Variants in LRRTM4 observed in about 807,000 individuals in gnomAD.
LRRTM4 encodes leucine-rich repeat transmembrane neuronal protein 4.
In LRRTM4, 25 loss-of-function variants were observed where a neutral mutation model predicts 47.6. That is an observed-to-expected ratio of 0.53 (90% CI 0.38 to 0.73). LRRTM4 has a LOEUF of 0.73. Ranked by LOEUF, LRRTM4 falls within the 30% of genes least tolerant of loss-of-function variation. The pLI, the probability that LRRTM4 is intolerant of heterozygous loss-of-function variation, is 0.00. For synonymous variants in LRRTM4, 311 were observed against 269.5 expected (o/e 1.15, Z -1.51); for missense variants, 638 against 713.4 (o/e 0.89, Z 1.20).
chr2:77,499,965 G>T (rs1678509938), intron 3 of LRRTM4, among the ~76,000 whole-genome samples: 2 of 151,522 alleles, frequency 1.3e-5, no homozygotes, highest in South Asian at 4.2e-4. Context: ...ATAAGATCTA[G>T]TGGAGCCCAA....
chr2:77,394,118 A>C (rs145944310), intron 3 of LRRTM4, among the ~76,000 whole-genome samples: 4 of 152,038 alleles, frequency 2.6e-5, no homozygotes, highest in Non-Finnish European at 5.9e-5. Context: ...TATTTATGCA[A>C]CTCAAAATTT....
intron 3 of LRRTM4, among the ~76,000 whole-genome samples, chr2:76,977,139 G>A (rs1422036234): frequency 1.3e-5 from 2 of 151,162 alleles, no homozygotes; most frequent in African/African-American, 4.8e-5. Flanking sequence ...TCTTACTTCT[G>A]CTTGAATATT....
intron 3 of LRRTM4, among the ~76,000 whole-genome samples, chr2:76,929,259 T>A (rs1674689671): frequency 6.6e-6 from 1 of 152,084 alleles, no homozygotes; most frequent in Admixed American, 6.6e-5. Flanking sequence ...CTTTGTGGGG[T>A]GACATTAAAC....
intron 3 of LRRTM4, among the ~76,000 whole-genome samples, chr2:77,047,083 A>G (rs1218166753): frequency 6.6e-6 from 1 of 152,026 alleles, no homozygotes; most frequent in Non-Finnish European, 1.5e-5. Context: ...TTTGGGAGTA[A>G]TCTTTACCAG....
chr2:76,991,358 T>A (rs1030645022), intron 3 of LRRTM4, among the ~76,000 whole-genome samples: 3 of 151,568 alleles, frequency 2.0e-5, no homozygotes, highest in African/African-American at 4.8e-5. Flanking sequence ...AACCAAAATT[T>A]ATTGTTTGAA....
chr2:77,163,801 T>G (rs1478288861), intron 3 of LRRTM4, among the ~76,000 whole-genome samples: 1 of 152,134 alleles, frequency 6.6e-6, no homozygotes, highest in Non-Finnish European at 1.5e-5. Context: ...CAAGAGCTCC[T>G]GAAGAAAGCA....
At chr2:77,106,475 T>C (rs1167087270) in intron 3 of LRRTM4, among the ~76,000 whole-genome samples, 1 of 152,136 alleles carries the variant, frequency 6.6e-6, no homozygotes. Context: ...ACTTACTTTT[T>C]ATCCTGTTGG....
chr2:76,803,945 G>C (rs1464918765), intron 3 of LRRTM4, among the ~76,000 whole-genome samples: 1 of 152,218 alleles, frequency 6.6e-6, no homozygotes, highest in East Asian at 1.9e-4. Flanking sequence ...TGAAGACTGA[G>C]TCTCTAGTGA....
chr2:76,815,307 G>C (rs1471878352), intron 3 of LRRTM4, among the ~76,000 whole-genome samples: 5 of 151,960 alleles, frequency 3.3e-5, no homozygotes, highest in Non-Finnish European at 7.4e-5. Flanking sequence ...TTTGGTTAAC[G>C]GGTGACTGTG....
intron 3 of LRRTM4, among the ~76,000 whole-genome samples, chr2:76,950,626 T>C (rs1675463923): frequency 6.6e-6 from 1 of 151,920 alleles, no homozygotes; most frequent in Admixed American, 6.6e-5. Context: ...TGCTCAAAAC[T>C]TCAGATAATA....
chr2:76,836,187 G>C (rs964694450), intron 3 of LRRTM4, among the ~76,000 whole-genome samples: 13 of 150,212 alleles, frequency 8.7e-5, no homozygotes, highest in Admixed American at 4.0e-4. Flanking sequence ...AACAGTGAAG[G>C]AAACTACCTG....
At chr2:77,444,182 T>A (rs1168854509) in intron 3 of LRRTM4, among the ~76,000 whole-genome samples, 1 of 151,966 alleles carries the variant, frequency 6.6e-6, no homozygotes, top group Admixed American at 6.6e-5. Context: ...TAACACCCAA[T>A]CAAACCAACA....
intron 3 of LRRTM4, among the ~76,000 whole-genome samples, chr2:76,865,718 C>T (rs1047399416): frequency 6.6e-6 from 1 of 152,056 alleles, no homozygotes; most frequent in Admixed American, 6.6e-5. Flanking sequence ...GAGAAGTATA[C>T]TTACTCATAA....
At chr2:77,193,581 G>A (rs770768400) in intron 3 of LRRTM4, among the ~76,000 whole-genome samples, 12 of 151,778 alleles carry the variant, frequency 7.9e-5, no homozygotes, top group African/African-American at 1.2e-4. Context: ...AAGCCGAGGC[G>A]GGCAGATCAC....
intron 3 of LRRTM4, among the ~76,000 whole-genome samples, chr2:77,442,492 C>T (rs1188572398): frequency 6.6e-6 from 1 of 152,066 alleles, no homozygotes; most frequent in East Asian, 1.9e-4. Context: ...TGATTTATAC[C>T]ACCTACAAAT....
chr2:77,155,382 G>A (rs1672533953), intron 3 of LRRTM4, among the ~76,000 whole-genome samples: 1 of 151,712 alleles, frequency 6.6e-6, no homozygotes, highest in Admixed American at 6.6e-5. Context: ...ACACTGAAAT[G>A]ATCGAAATAT....
intron 3 of LRRTM4, among the ~76,000 whole-genome samples, chr2:77,014,269 G>T (rs1319678803): frequency 6.6e-6 from 1 of 152,058 alleles, no homozygotes; most frequent in East Asian, 1.9e-4. Flanking sequence ...TAGGCCAGTT[G>T]TTGAGCACAT....
chr2:77,016,298 A>T (rs1048810450), intron 3 of LRRTM4, among the ~76,000 whole-genome samples: 6 of 151,468 alleles, frequency 4.0e-5, no homozygotes, highest in African/African-American at 1.5e-4. Context: ...AGGCAAAAGA[A>T]TTGCTTGAAC....
intron 3 of LRRTM4, among the ~76,000 whole-genome samples, chr2:77,165,816 T>C (rs1672868053): frequency 6.6e-6 from 1 of 152,150 alleles, no homozygotes; most frequent in African/African-American, 2.4e-5. Context: ...TATCTCAAAA[T>C]AATAAGAGCT....
Sources: gnomAD v4.1 joint callset for allele counts (sites outside exome capture counted in the v4.1 genomes callset) on GRCh38, gnomAD v4.1.1 for gene constraint, MANE v1.5 for transcripts, NCBI Gene and HGNC (gene_info 2026-07-23, HGNC 2026-07-21) for gene names.